Variants in TNIP3 observed in about 807,000 individuals in gnomAD.
The protein encoded by TNIP3 is TNFAIP3-interacting protein 3.
Under a neutral mutation model 54.1 loss-of-function variants are expected in TNIP3, and 34 were observed. The ratio of observed to expected loss-of-function variants is 0.63; its 90% CI spans 0.48 to 0.84. The LOEUF is 0.84. TNIP3 is among the 40% of genes least tolerant of loss of function. The pLI, the probability that TNIP3 is intolerant of heterozygous loss-of-function variation, is 0.00. For synonymous variants in TNIP3, 134 were observed against 136.8 expected (o/e 0.98, Z 0.14); for missense variants, 366 against 387.6 (o/e 0.94, Z 0.47).
At chr4:121,225,307 T>C (rs916467870) in intron 1 of TNIP3, among the ~76,000 whole-genome samples, 2 of 152,234 alleles carry the variant, frequency 1.3e-5, no homozygotes, top group Non-Finnish European at 2.9e-5. Context: ...CTAGAATATT[T>C]TCCCCCCATA....
intron 2 of TNIP3, among the ~76,000 whole-genome samples, chr4:121,200,885 T>A (rs377075361): frequency 9.7e-4 from 147 of 152,266 alleles, no homozygotes; most frequent in African/African-American, 3.4e-3. Flanking sequence ...AAATCACTTA[T>A]CATGGGTAGA....
At chr4:121,152,402 G>A (rs1729813975) in intron 5 of TNIP3, among the ~76,000 whole-genome samples, 1 of 152,048 alleles carries the variant, frequency 6.6e-6, no homozygotes, top group African/African-American at 2.4e-5. Context: ...ACTTTTAAGG[G>A]ACAGCTTAAA....
At chr4:121,219,227 A>G (rs1171790056), upstream of TNIP3, among the ~76,000 whole-genome samples, 1 of 151,082 alleles carries the variant, frequency 6.6e-6, no homozygotes, top group East Asian at 1.9e-4. Flanking sequence ...AAACAAACAA[A>G]AAACCCATAG....
At chr4:121,200,533 C>G (rs539395294) in intron 2 of TNIP3, among the ~76,000 whole-genome samples, 1 of 152,056 alleles carries the variant, frequency 6.6e-6, no homozygotes, top group South Asian at 2.1e-4. Flanking sequence ...TAGAGACCCC[C>G]GAGCACACAT....
intron 2 of TNIP3, among the ~76,000 whole-genome samples, chr4:121,191,523 A>G (rs1725310759): frequency 6.6e-6 from 1 of 152,246 alleles, no homozygotes; most frequent in Non-Finnish European, 1.5e-5. Context: ...AGTAGAGTAT[A>G]TAAGTTATGT....
chr4:121,143,613 C>A (rs1729254107), intron 7 of TNIP3, among the ~76,000 whole-genome samples: 1 of 152,126 alleles, frequency 6.6e-6, no homozygotes, highest in African/African-American at 2.4e-5. Flanking sequence ...ATAAAGTCAC[C>A]ACGGACACTG....
intron 1 of TNIP3, among the ~76,000 whole-genome samples, chr4:121,223,215 G>C (rs1024433293): frequency 2.6e-5 from 4 of 152,206 alleles, no homozygotes; most frequent in African/African-American, 9.6e-5. Flanking sequence ...CCTGCTAACT[G>C]TATCAGTTCC....
intron 3 of TNIP3, among the ~76,000 whole-genome samples, chr4:121,158,194 A>G (rs1560654373): frequency 6.6e-6 from 1 of 152,190 alleles, no homozygotes; most frequent in Non-Finnish European, 1.5e-5. Context: ...TTGAGAGCAA[A>G]TATGCTTTAG....
intron 2 of TNIP3, among the ~76,000 whole-genome samples, chr4:121,183,950 T>C (rs13118027): frequency 0.28 from 42,796 of 151,874 alleles, 6,898 homozygotes; most frequent in African/African-American, 0.44. Flanking sequence ...GCACAATCAA[T>C]GTAATGTGCT....
intron 2 of TNIP3, among the ~76,000 whole-genome samples, chr4:121,213,073 A>T (rs886774890): frequency 8.5e-5 from 13 of 152,140 alleles, no homozygotes; most frequent in Non-Finnish European, 1.3e-4. Context: ...ACTCACATGG[A>T]GAAAAAAAGA....
At chr4:121,145,681 T>G (rs1304681757) in intron 7 of TNIP3, among the ~76,000 whole-genome samples, 4 of 150,844 alleles carry the variant, frequency 2.7e-5, no homozygotes. Flanking sequence ...AAATTAAAGT[T>G]GTTTTACTTG....
intron 3 of TNIP3, among the ~76,000 whole-genome samples, chr4:121,173,250 T>C (rs1291108925): frequency 6.6e-6 from 1 of 152,208 alleles, no homozygotes; most frequent in Non-Finnish European, 1.5e-5. Flanking sequence ...AGGGAAGTTT[T>C]ATGGGAATTA....
intron 10 of TNIP3, among the ~76,000 whole-genome samples, chr4:121,134,868 G>C (rs1728686338): frequency 6.6e-6 from 1 of 152,194 alleles, no homozygotes; most frequent in African/African-American, 2.4e-5. Flanking sequence ...GCTCCTCCTG[G>C]CACCCAAATG....
rs966387109 is a variant in TNIP3, at chr4:121,157,007, T to A, written c.363+87A>T. 1.6e-5 allele frequency: 25 copies of A among 1,564,638 alleles called. No homozygotes were observed. The African/African-American group carries it at 3.0e-4, about 19-fold the overall frequency. ...TTGCTCAGTAGTGAGTTGATTTTAA[T>A]AAAACGGTAGGTTTTCTACAGGAAA... On this transcript the variant is annotated intron_variant, in intron 4 of 10. Transcript: ENST00000057513.
chr4:121,198,361 A>C (rs917852411), intron 2 of TNIP3, among the ~76,000 whole-genome samples: 1 of 152,228 alleles, frequency 6.6e-6, no homozygotes, highest in African/African-American at 2.4e-5. Context: ...TATATATAGC[A>C]TAAACTTTCT....
At chr4:121,207,945 TC>T (rs1240951882) in intron 2 of TNIP3, among the ~76,000 whole-genome samples, 1 of 152,156 alleles carries the variant, frequency 6.6e-6, no homozygotes, top group East Asian at 1.9e-4. Flanking sequence ...GGGGGTGGTT[TC>T]CCCCATACTG....
intron 2 of TNIP3, among the ~76,000 whole-genome samples, chr4:121,184,873 T>A (rs1724923964): frequency 6.6e-6 from 1 of 152,126 alleles, no homozygotes; most frequent in African/African-American, 2.4e-5. Context: ...TATCTTCAGG[T>A]TTTTTCCACA....
In TNIP3 at chr4:121,141,921, A is replaced by G; in HGVS notation, c.787-7T>C. On this transcript the variant is annotated splice_polypyrimidine_tract_variant and splice_region_variant and intron_variant, in intron 8 of 10. Coordinates refer to ENST00000057513, the MANE Select transcript of TNIP3 (RefSeq NM_024873.6). ...TACAGGGTGGGCAATACATCTGAGG[A>G]GAACAAAACTGTGGGGTCACTACCA... 1 of 1,580,234 alleles carries G rather than the reference A, an allele frequency of 6.3e-7. No homozygotes were observed. The highest frequency in any genetic ancestry group is 1.8e-5 in the Admixed American group (1 of 55,876).
chr4:121,178,012 C>T (rs1724461541), intron 3 of TNIP3, among the ~76,000 whole-genome samples: 3 of 152,120 alleles, frequency 2.0e-5, no homozygotes, highest in African/African-American at 7.2e-5. Context: ...TGGCTTGATC[C>T]AAGTGTGGTG....
Sources: allele counts gnomAD v4.1 joint callset (sites outside exome capture counted in the v4.1 genomes callset), GRCh38; gene constraint gnomAD v4.1.1; transcripts MANE v1.5; gene names NCBI Gene and HGNC (gene_info 2026-07-23, HGNC 2026-07-21).